The following JMJD1C variants were observed in gnomAD, a reference collection of about 807,000 sequenced individuals.
JMJD1C encodes jumonji domain-containing protein 1C.
In JMJD1C, 31 loss-of-function variants were observed where a neutral mutation model predicts 245.3. That is an observed-to-expected ratio of 0.13 (90% confidence interval 0.09 to 0.17). JMJD1C has a LOEUF of 0.17. Ranked by LOEUF, JMJD1C falls within the 10% of genes least tolerant of loss-of-function variation. JMJD1C has a pLI of 1.00. For synonymous variants in JMJD1C, 1,057 were observed against 1,017.4 expected (o/e 1.04, Z -0.74); for missense variants, 2,691 against 3,000.2 (o/e 0.90, Z 2.41).
At chr10:63,258,222 G>C (rs1854225714) in intron 3 of JMJD1C, among the ~76,000 whole-genome samples, 2 of 152,282 alleles carry the variant, frequency 1.3e-5, no homozygotes, top group South Asian at 4.1e-4. Flanking sequence ...ATTCAGAGCA[G>C]CTGAGACTTT....
At chr10:63,447,450 T>C (rs1056801526) in intron 1 of JMJD1C, among the ~76,000 whole-genome samples, 1 of 152,220 alleles carries the variant, frequency 6.6e-6, no homozygotes, top group Admixed American at 6.5e-5. Flanking sequence ...TTCATTTTTA[T>C]TTTTGTCTGT....
intron 3 of JMJD1C, among the ~76,000 whole-genome samples, chr10:63,235,053 T>C (rs1850566602): frequency 6.6e-6 from 1 of 152,112 alleles, no homozygotes; most frequent in Non-Finnish European, 1.5e-5. Flanking sequence ...TAATACAACA[T>C]ACACATTTAA....
At position 63,186,347 on chromosome 10, in the gene JMJD1C, T is replaced by A; in HGVS notation, c.6607A>T (p.Ile2203Phe). The A allele has an allele frequency of 6.2e-7, 1 of 1,613,506 alleles. No homozygotes were observed. Among genetic ancestry groups the A allele is most frequent in the Non-Finnish European group, 8.5e-7 (1 of 1,179,762 alleles). Reference sequence around the variant, plus strand: ...ATTGATTCCGCCTTCCATAGGCTAATGTTCATTTTCTTATGCACACCAGAA... The same window carrying A: ...ATTGATTCCGCCTTCCATAGGCTAAAGTTCATTTTCTTATGCACACCAGAA... ...VVSGVHKKMNISLWKAESISL... is the reference protein window; with the variant it reads ...VVSGVHKKMNFSLWKAESISL... Residue 2203 changes from isoleucine (I) to phenylalanine (F), a missense_variant, in exon 19 of 26, where the codon ATT becomes TTT. Ile to Phe is a conservative substitution (Grantham distance 21). Coordinates refer to ENST00000399262, the MANE Select transcript of JMJD1C (RefSeq NM_032776.3).
intron 1 of JMJD1C, among the ~76,000 whole-genome samples, chr10:63,503,272 TG>T (rs927878677): frequency 5.9e-5 from 9 of 152,112 alleles, no homozygotes; most frequent in Non-Finnish European, 1.2e-4. Flanking sequence ...TAGGGGTTTT[TG>T]GGGGGGCTTT....
At chr10:63,305,217 A>T (rs1160086970) in intron 2 of JMJD1C, among the ~76,000 whole-genome samples, 1 of 150,234 alleles carries the variant, frequency 6.7e-6, no homozygotes, top group Non-Finnish European at 1.5e-5. Flanking sequence ...AAATAAAACA[A>T]ATTAGCTGGG....
At chr10:63,279,433 T>C (rs1263011432) in intron 2 of JMJD1C, among the ~76,000 whole-genome samples, 1 of 152,184 alleles carries the variant, frequency 6.6e-6, no homozygotes, top group Non-Finnish European at 1.5e-5. Flanking sequence ...TTTACCTACA[T>C]TTAGGTTTAA....
In JMJD1C at chr10:63,482,754, G is replaced by A. The variant is rs60943381; in HGVS notation, n.113+38984C>T. On this transcript the variant is annotated intron_variant and non_coding_transcript_variant, in intron 1 of 3. Transcript: ENST00000633035. The stretch of plus-strand genomic sequence containing the variant: ...ACCATGCAAATCACTTGATCTCTCT[G>A]TGCTTTCTTATCTATGAAATGGGAA... 2.0e-5 allele frequency among the ~76,000 whole-genome samples: 3 copies of A among 152,262 alleles called. 1 individual carries two copies. In the South Asian group the frequency reaches 6.2e-4, roughly 32 times the overall value.
intron 2 of JMJD1C, among the ~76,000 whole-genome samples, chr10:63,327,942 T>A (rs771776146): frequency 5.3e-5 from 8 of 151,950 alleles, no homozygotes; most frequent in Non-Finnish European, 8.8e-5. Context: ...AGTACTGGGA[T>A]TACAGGTGTG....
At position 63,213,778 on chromosome 10, in the gene JMJD1C, G is replaced by T; in HGVS notation, c.2389C>A (p.Pro797Thr). The stretch of plus-strand genomic sequence containing the variant: ...GTAGGCACTCCAGGTAACACAGTGG[G>T]AAGTAAATGAGGGTGATGAACAGCA... ...HHAVHHPHLL[P>T]TVLPGVPTAS... The change falls in exon 8 of 26, where the codon CCC (proline) becomes ACC (threonine). Residue 797 changes from proline (P) to threonine (T), a missense_variant. Around this residue, in one of 9 missense-constraint regions of JMJD1C, gnomAD observed 1,562 missense variants for 1,490.7 expected, o/e 1.05. Coordinates refer to ENST00000399262, the MANE Select transcript of JMJD1C (RefSeq NM_032776.3). The T allele has an allele frequency of 6.2e-7, 1 of 1,614,106 alleles. No homozygotes were observed. Among genetic ancestry groups the T allele is most frequent in the Non-Finnish European group, 8.5e-7 (1 of 1,180,012 alleles).
At chr10:63,358,551 G>A (rs1945060646) in intron 2 of JMJD1C, among the ~76,000 whole-genome samples, 1 of 151,962 alleles carries the variant, frequency 6.6e-6, no homozygotes, top group African/African-American at 2.4e-5. Flanking sequence ...ATATATTAGG[G>A]TTAGAATAGG....
At chr10:63,462,442 A>C (rs1391213279) in intron 1 of JMJD1C, among the ~76,000 whole-genome samples, 2 of 152,244 alleles carry the variant, frequency 1.3e-5, no homozygotes. Context: ...AAAATAATTT[A>C]ATCCCAAAGA....
At chr10:63,425,658 C>T (rs1221909924) in intron 1 of JMJD1C, among the ~76,000 whole-genome samples, 1 of 152,088 alleles carries the variant, frequency 6.6e-6, no homozygotes, top group Admixed American at 6.6e-5. Context: ...TTGTGCACAC[C>T]TGTATCCCAG....
intron 2 of JMJD1C, among the ~76,000 whole-genome samples, chr10:63,293,931 C>A (rs1245281229): frequency 2.0e-5 from 3 of 152,144 alleles, no homozygotes; most frequent in Non-Finnish European, 4.4e-5. Flanking sequence ...TAAACTGTCA[C>A]ATCTAGGTCC....
chr10:63,365,744 AG>A (rs940927817), intron 2 of JMJD1C, among the ~76,000 whole-genome samples: 1 of 152,242 alleles, frequency 6.6e-6, no homozygotes, highest in Non-Finnish European at 1.5e-5. Flanking sequence ...TGGAAAAAAG[AG>A]GGCATTAAAC....
intron 2 of JMJD1C, among the ~76,000 whole-genome samples, chr10:63,316,380 G>C (rs1940063035): frequency 6.6e-6 from 1 of 152,082 alleles, no homozygotes; most frequent in South Asian, 2.1e-4. Context: ...GTTATGATGT[G>C]GCTTCTTACG....
intron 1 of JMJD1C, among the ~76,000 whole-genome samples, chr10:63,490,753 AAG>A (rs1403565902): frequency 3.3e-5 from 5 of 152,168 alleles, no homozygotes; most frequent in Non-Finnish European, 7.4e-5. Flanking sequence ...TCTTGTTCAC[AAG>A]AGTGAATGAA....
chr10:63,435,672 C>T (rs1485155357), intron 1 of JMJD1C, among the ~76,000 whole-genome samples: 2 of 151,988 alleles, frequency 1.3e-5, no homozygotes, highest in Admixed American at 6.6e-5. Context: ...GGCTGAGGCG[C>T]GTGGACTGGC....
At chr10:63,226,108 T>A (rs556461857) in intron 3 of JMJD1C, among the ~76,000 whole-genome samples, 1 of 152,208 alleles carries the variant, frequency 6.6e-6, no homozygotes, top group South Asian at 2.1e-4. Context: ...AAGGCAACAT[T>A]ATCTTATAAA....
intron 1 of JMJD1C, among the ~76,000 whole-genome samples, chr10:63,494,318 A>T (rs1954283003): frequency 6.6e-6 from 1 of 152,168 alleles, no homozygotes; most frequent in Admixed American, 6.5e-5. Context: ...TCTCAAAAAA[A>T]AAAAAAAGTT....
Sources: allele counts gnomAD v4.1 joint callset (sites outside exome capture counted in the v4.1 genomes callset), GRCh38; gene constraint gnomAD v4.1.1; regional missense constraint gnomAD v4.1.1; transcripts MANE v1.5; gene names NCBI Gene and HGNC (gene_info 2026-07-23, HGNC 2026-07-21).